PIR: variants seen among roughly 807,000 people sequenced by gnomAD.
PIR encodes pirin (iron-binding nuclear protein).
PIR carries 22 observed loss-of-function variants against 24.2 expected under a neutral mutation model. The observed-to-expected ratio is 0.91, with a 90% confidence interval of 0.65 to 1.30. The LOEUF (loss-of-function observed/expected upper bound fraction) is 1.30. Ranked by LOEUF, PIR falls within the 50% of genes most tolerant of loss-of-function variation. The probability of loss-of-function intolerance (pLI) is 0.00; values close to 1 mark genes in which losing one functional copy is unlikely to be tolerated. For synonymous variants in PIR, 80 were observed against 79.6 expected (o/e 1.00, Z -0.03); for missense variants, 220 against 220.3 (o/e 1.00, Z 0.01).
chrX:15,421,870 T>C (rs1925142862), intron 6 of PIR, among the ~76,000 whole-genome samples: 1 of 111,368 alleles, frequency 9.0e-6, no homozygotes, highest in Non-Finnish European at 1.9e-5. Flanking sequence ...ATATTGCTGA[T>C]GAACATAGAT....
At position 15,410,686 on chromosome X, in the gene PIR, T is replaced by C. The variant is rs986492870; in HGVS notation, c.566-3136A>G. 4.5e-5 allele frequency among the ~76,000 whole-genome samples: 5 copies of C among 112,091 alleles called. No individual in the cohort carries two copies. In the Admixed American group the frequency reaches 4.7e-4, roughly 11 times the overall value. On this transcript the variant is annotated intron_variant, in intron 6 of 9. Coordinates refer to ENST00000380420, the MANE Select transcript of PIR (RefSeq NM_001018109.3). ...GAATGGCCTAAGTCAATTTACTAAG[T>C]GTGTTCATATATTTTTACTCCTTGT...
intron 5 of PIR, chrX:15,429,772 C>T (rs1181036977): frequency 2.7e-5 from 3 of 109,349 alleles, no homozygotes; most frequent in African/African-American, 6.7e-5. Flanking sequence ...GGTAGAAGGG[C>T]GTGAACCCGG....
In PIR at chrX:15,430,525, C is replaced by T. The variant is rs182268519; in HGVS notation, c.481-4535G>A. ...CAAATCCAGGAAAACCTTGTCTCTCCTTCCCTATAAATATGTCAGAACCAA... is the reference window on the plus strand; with the variant it reads ...CAAATCCAGGAAAACCTTGTCTCTCTTTCCCTATAAATATGTCAGAACCAA... On this transcript the variant is annotated intron_variant, in intron 5 of 9. Coordinates refer to ENST00000380420, the MANE Select transcript of PIR (RefSeq NM_001018109.3). 3.4e-3 allele frequency among the ~76,000 whole-genome samples: 381 copies of T among 111,831 alleles called. 3 individuals are homozygous for T. Among genetic ancestry groups the T allele is most frequent in the African/African-American group, 9.6e-3 (296 of 30,767 alleles).
At chrX:15,397,323 C>T in intron 8 of PIR, 126 bp downstream of exon 8, 1 of 505,876 alleles carries the variant, frequency 2.0e-6, no homozygotes, top group Non-Finnish European at 3.6e-6. Flanking sequence ...ACATGATAAA[C>T]TTCTGGTATA....
chrX:15,481,606 C>G lies in PIR; in HGVS notation c.97-1785G>C, dbSNP rs757938285. On this transcript the variant is annotated intron_variant, in intron 2 of 9. Transcript: ENST00000380420. ...TTTTAAAAATTATTTTTCTAGCTAA[C>G]TTGTATTTTTAATGGAATTCTACTG... is the stretch of plus-strand genomic sequence containing the variant. 1.5e-4 allele frequency among the ~76,000 whole-genome samples: 17 copies of G among 111,768 alleles called. No individual in the cohort carries two copies. In the South Asian group the frequency reaches 5.6e-3, roughly 37 times the overall value.
At chrX:15,453,010 C>T (rs73451237) in intron 5 of PIR, among the ~76,000 whole-genome samples, 5 of 111,874 alleles carry the variant, frequency 4.5e-5, no homozygotes, top group Non-Finnish European at 9.4e-5. Context: ...CTTCCTGATG[C>T]GAAACAATCT....
intron 2 of PIR, among the ~76,000 whole-genome samples, chrX:15,483,164 C>CATATAT (rs772910331): frequency 1.8e-5 from 1 of 56,934 alleles, no homozygotes; most frequent in African/African-American, 5.9e-5. Context: ...ATACATTATA[C>CATATAT]ATATATATAT....
At chrX:15,425,871 C>T (rs768548608) in intron 6 of PIR, 35 bp downstream of exon 6, 5 of 808,178 alleles carry the variant, frequency 6.2e-6, no homozygotes, top group South Asian at 2.3e-5. Flanking sequence ...TTTTTTTTTC[C>T]TGACGTGACT....
At chrX:15,419,827 C>A (rs764271592) in intron 6 of PIR, among the ~76,000 whole-genome samples, 3 of 108,660 alleles carry the variant, frequency 2.8e-5, no homozygotes, top group Admixed American at 2.0e-4. Flanking sequence ...ACCCGGGAGG[C>A]AGAGGTTGCA....
Position 15,493,252 on chromosome X carries a change from G to C in PIR, c.-115C>G, listed in dbSNP as rs1046461071. 8.9e-6 allele frequency: 1 copy of C among 112,454 alleles called. No homozygotes were observed. The highest frequency in any genetic ancestry group is 1.9e-5 in the Non-Finnish European group (1 of 53,172). 9.3% of individuals were successfully genotyped at this position (112,454 alleles called of 1,213,427 possible). A position where few individuals can be genotyped will look rare whatever the true frequency, so the allele number is the denominator to read the frequency against. ...TGACGCGAAGAGCCGCCGGGAGCGAGTGCAGGGAGGGCAGGTTAAGAGAGT... is the reference window on the plus strand; with the variant it reads ...TGACGCGAAGAGCCGCCGGGAGCGACTGCAGGGAGGGCAGGTTAAGAGAGT... On this transcript the variant is annotated 5_prime_UTR_variant, in exon 1 of 10. Coordinates refer to ENST00000380420, the MANE Select transcript of PIR (RefSeq NM_001018109.3).
intron 6 of PIR, among the ~76,000 whole-genome samples, chrX:15,418,025 G>C (rs980053719): frequency 2.0e-4 from 22 of 112,028 alleles, no homozygotes; most frequent in African/African-American, 7.1e-4. Context: ...GCCTACCACA[G>C]AGGGGTAGAC....
At position 15,460,510 on chromosome X, in the gene PIR, T is replaced by C. The variant is rs183123377; in HGVS notation, c.190-770A>G. Among the ~76,000 whole-genome samples the C allele has an allele frequency of 5.5e-3, 614 of 111,450 alleles. 6 individuals are homozygous for C. Among genetic ancestry groups the C allele is most frequent in the African/African-American group, 0.019 (594 of 30,629 alleles). ...ACACAGAGGGACAAATACTGCATGA[T>C]CTCACATAAACAGAGTAGAAGGGTA... On this transcript the variant is annotated intron_variant, in intron 3 of 9. Coordinates refer to ENST00000380420, the MANE Select transcript of PIR (RefSeq NM_001018109.3).
intron 3 of PIR, among the ~76,000 whole-genome samples, chrX:15,478,067 A>G (rs1922303614): frequency 9.5e-6 from 1 of 104,769 alleles, no homozygotes. Flanking sequence ...AATATATTTA[A>G]TCATTCATTT....
intron 3 of PIR, among the ~76,000 whole-genome samples, chrX:15,469,206 A>G (rs951667541): frequency 5.3e-5 from 6 of 112,301 alleles, no homozygotes; most frequent in Non-Finnish European, 1.9e-5. Context: ...TCATAAAAGA[A>G]AGGCCATTCT....
At chrX:15,439,459 C>T (rs1158090024) in intron 5 of PIR, among the ~76,000 whole-genome samples, 1 of 112,156 alleles carries the variant, frequency 8.9e-6, no homozygotes, top group African/African-American at 3.2e-5. Flanking sequence ...TTTGAAGTTA[C>T]ATGTTGCTTC....
intron 2 of PIR, among the ~76,000 whole-genome samples, chrX:15,484,422 C>A (rs764541211): frequency 2.0e-5 from 2 of 101,368 alleles, no homozygotes; most frequent in African/African-American, 7.2e-5. Flanking sequence ...TCAAGCAATG[C>A]GCCCGCCTCA....
intron 9 of PIR, among the ~76,000 whole-genome samples, chrX:15,387,430 G>C (rs1259779117): frequency 9.1e-6 from 1 of 110,438 alleles, no homozygotes; most frequent in African/African-American, 3.3e-5. Flanking sequence ...AAGTACTAGA[G>C]ACAATAAAGT....
chrX:15,478,504 T>G (rs1922329588), intron 3 of PIR: 1 of 111,923 alleles, frequency 8.9e-6, no homozygotes, highest in Non-Finnish European at 1.9e-5. Context: ...GAATCCAGTA[T>G]GAGTGTAGGG....
chrX:15,451,249 A>G lies in PIR; in HGVS notation c.480+4599T>C, dbSNP rs1377927086. 3.6e-5 allele frequency among the ~76,000 whole-genome samples: 4 copies of G among 111,098 alleles called. No individual in the cohort carries two copies. In the East Asian group the frequency reaches 1.1e-3, roughly 31 times the overall value. Reference sequence around the variant, plus strand: ...AGCTCAAGCCATGCCCTGAAAAGCCACATGGAAGAAGCTAAAGCAGATAAG... The same window carrying G: ...AGCTCAAGCCATGCCCTGAAAAGCCGCATGGAAGAAGCTAAAGCAGATAAG... On this transcript the variant is annotated intron_variant, in intron 5 of 9. Transcript: ENST00000380420.
Sources: allele counts gnomAD v4.1 joint callset (sites outside exome capture counted in the v4.1 genomes callset), GRCh38; gene constraint gnomAD v4.1.1; transcripts MANE v1.5; gene names NCBI Gene and HGNC (gene_info 2026-07-23, HGNC 2026-07-21).